MAST4: variants seen among roughly 807,000 people sequenced by gnomAD.
The protein encoded by MAST4 is microtubule associated serine/threonine kinase family member 4.
In MAST4, 89 loss-of-function variants were observed where a neutral mutation model predicts 162.7. That is an observed-to-expected ratio of 0.55 (90% CI 0.46 to 0.65). The LOEUF is 0.65. MAST4 is among the 30% of genes least tolerant of loss of function. The probability of loss-of-function intolerance (pLI) is 0.00; values close to 1 mark genes in which losing one functional copy is unlikely to be tolerated. For synonymous variants in MAST4, 1,479 were observed against 1,361.1 expected, an observed-to-expected ratio of 1.09 and a Z score of -1.91; for missense variants, 3,153 against 3,374.0, an observed-to-expected ratio of 0.93 and a Z score of 1.62.
intron 4 of MAST4, 84 bp downstream of exon 4, chr5:66,900,066 A>ATTCTCTAATTCATTATC: frequency 1.1e-6 from 1 of 914,384 alleles, no homozygotes; most frequent in Non-Finnish European, 1.5e-6. Flanking sequence ...CATTAGTGGC[A>ATTCTCTAATTCATTATC]ATTATAAAAT....
intron 4 of MAST4, among the ~76,000 whole-genome samples, chr5:67,037,854 G>A (rs1756210135): frequency 6.8e-6 from 1 of 147,878 alleles, no homozygotes; most frequent in Admixed American, 6.8e-5. Context: ...TATGATGCTA[G>A]ACTCATTGCC....
At chr5:67,121,658 G>A (rs551542659) in intron 14 of MAST4, among the ~76,000 whole-genome samples, 1 of 147,990 alleles carries the variant, frequency 6.8e-6, no homozygotes, top group African/African-American at 2.5e-5. Flanking sequence ...ACATTAACAC[G>A]AACAACAGCT....
chr5:66,756,516 G>A (rs1753547991), intron 1 of MAST4, among the ~76,000 whole-genome samples: 1 of 152,188 alleles, frequency 6.6e-6, no homozygotes, highest in Non-Finnish European at 1.5e-5. Flanking sequence ...GTAGTATGAA[G>A]ACTTTGGGAG....
chr5:66,608,057 T>C (rs1319075337), intron 1 of MAST4, among the ~76,000 whole-genome samples: 1 of 143,548 alleles, frequency 7.0e-6, no homozygotes, highest in Non-Finnish European at 1.5e-5. Flanking sequence ...CATGCTTACT[T>C]TTTTTTTTTG....
intron 3 of MAST4, among the ~76,000 whole-genome samples, chr5:66,833,129 TAAAC>T (rs368254211): frequency 6.6e-6 from 1 of 152,198 alleles, no homozygotes; most frequent in Non-Finnish European, 1.5e-5. Flanking sequence ...AACTGTAAAA[TAAAC>T]AAATTTGTTT....
At chr5:66,853,643 G>C (rs1214665712) in intron 3 of MAST4, among the ~76,000 whole-genome samples, 2 of 152,162 alleles carry the variant, frequency 1.3e-5, no homozygotes, top group Non-Finnish European at 2.9e-5. Context: ...CTTCAAAATA[G>C]TTGATTTGGA....
chr5:66,875,270 C>A (rs1232053345), intron 3 of MAST4, among the ~76,000 whole-genome samples: 1 of 152,156 alleles, frequency 6.6e-6, no homozygotes, highest in Non-Finnish European at 1.5e-5. Flanking sequence ...ATTTTAGTCA[C>A]ATAAAATGTT....
In MAST4 at chr5:66,759,940, T is replaced by C. The variant is rs913688486; in HGVS notation, c.517+78T>C. 3.4e-6 allele frequency: 5 copies of C among 1,489,056 alleles called. No homozygotes were observed. The East Asian group carries it at 6.9e-5, about 21-fold the overall frequency. 92.2% of individuals were successfully genotyped at this position (1,489,056 alleles called of 1,614,324 possible). ...CTGCATGGCCCCAGAGTTCCACATG[T>C]AATCAGCTTTCTTAAGAATGGGCCT... On this transcript the variant is annotated intron_variant, in intron 2 of 28. Transcript: ENST00000403625.
At chr5:66,829,440 A>G (rs1757453163) in intron 3 of MAST4, among the ~76,000 whole-genome samples, 1 of 152,016 alleles carries the variant, frequency 6.6e-6, no homozygotes, top group Admixed American at 6.6e-5. Flanking sequence ...GCTTTTTTGT[A>G]CCCAAGTTTC....
At chr5:67,132,737 A>G (rs769906287) in intron 16 of MAST4, among the ~76,000 whole-genome samples, 48 of 152,274 alleles carry the variant, frequency 3.2e-4, no homozygotes, top group Non-Finnish European at 4.7e-4. Context: ...ATATTAATAT[A>G]TAAAGACTTT....
chr5:67,132,202 C>A (rs1769061419), intron 16 of MAST4, among the ~76,000 whole-genome samples: 1 of 151,952 alleles, frequency 6.6e-6, no homozygotes, highest in South Asian at 2.1e-4. Flanking sequence ...ACTTTAAGTT[C>A]TGGGATACAT....
At chr5:66,744,487 A>G (rs78355918) in intron 1 of MAST4, among the ~76,000 whole-genome samples, 7,546 of 152,300 alleles carry the variant, frequency 0.05, 585 homozygotes, top group African/African-American at 0.17. Context: ...CTATAAAGCA[A>G]TACCTGAGTG....
intron 4 of MAST4, among the ~76,000 whole-genome samples, chr5:66,941,915 G>A (rs796999040): frequency 5.9e-5 from 9 of 152,152 alleles, no homozygotes; most frequent in African/African-American, 2.2e-4. Flanking sequence ...ACGGCTGGTC[G>A]ATCAAACAGT....
At chr5:67,016,422 T>A (rs369129082) in intron 4 of MAST4, among the ~76,000 whole-genome samples, 11 of 152,220 alleles carry the variant, frequency 7.2e-5, no homozygotes, top group Admixed American at 5.9e-4. Flanking sequence ...TTTTTAATTT[T>A]ATAGGACAGT....
chr5:66,717,819 T>A (rs73765320), intron 1 of MAST4, among the ~76,000 whole-genome samples: 5,406 of 152,308 alleles, frequency 0.035, 303 homozygotes, highest in South Asian at 0.13. Context: ...TGATTATCTC[T>A]TCCTGGTATC....
intron 1 of MAST4, among the ~76,000 whole-genome samples, chr5:66,605,356 C>A (rs898540025): frequency 1.2e-4 from 19 of 152,112 alleles, no homozygotes; most frequent in Admixed American, 1.3e-4. Flanking sequence ...TATATACCTG[C>A]AAAACCCAAG....
chr5:66,767,843 G>A (rs1277674775), intron 2 of MAST4, among the ~76,000 whole-genome samples: 1 of 152,114 alleles, frequency 6.6e-6, no homozygotes, highest in African/African-American at 2.4e-5. Flanking sequence ...TTTTCTGCCT[G>A]CTTATATTCT....
chr5:66,775,538 A>G (rs961747123), intron 2 of MAST4, among the ~76,000 whole-genome samples: 16 of 152,214 alleles, frequency 1.1e-4, no homozygotes, highest in Non-Finnish European at 2.1e-4. Flanking sequence ...GGCAGTCATG[A>G]TGCTAATCTT....
chr5:66,645,079 T>C (rs1488744217), intron 1 of MAST4, among the ~76,000 whole-genome samples: 1 of 152,086 alleles, frequency 6.6e-6, no homozygotes, highest in South Asian at 2.1e-4. Flanking sequence ...GTGTGTCTGT[T>C]TCTTTTTGAA....
Sources: allele counts gnomAD v4.1 joint callset (sites outside exome capture counted in the v4.1 genomes callset), GRCh38; gene constraint gnomAD v4.1.1; transcripts MANE v1.5; gene names NCBI Gene and HGNC (gene_info 2026-07-23, HGNC 2026-07-21).